Variants in LOC400499 observed in about 807,000 individuals in gnomAD.
At chr16:11,373,488 C>T in the LOC400499 span, among the ~76,000 whole-genome samples, 1 of 151,902 alleles carries the variant, frequency 6.6e-6, no homozygotes, top group African/African-American at 2.4e-5. Flanking sequence ...CGCCTGCCAC[C>T]ACGCCCGGCT....
chr16:11,500,305 C>A, the LOC400499 span, among the ~76,000 whole-genome samples: 1 of 151,954 alleles, frequency 6.6e-6, no homozygotes, highest in South Asian at 2.1e-4. Context: ...GTCAGGAGTT[C>A]GAGACCAGCC....
chr16:11,469,580 T>G, the LOC400499 span: 24 of 399,062 alleles, frequency 6.0e-5, no homozygotes, highest in South Asian at 5.1e-4. Flanking sequence ...CTGTAGCTCA[T>G]GTCCACCCCG....
chr16:11,487,397 G>A, the LOC400499 span: 5 of 398,896 alleles, frequency 1.3e-5, no homozygotes, highest in East Asian at 1.1e-4. Flanking sequence ...CTAGGAGTAA[G>A]ACAAGAACAT....
At chr16:11,390,175 C>G in the LOC400499 span, 1 of 1,232,380 alleles carries the variant, frequency 8.1e-7, no homozygotes, top group African/African-American at 1.5e-5. Flanking sequence ...AACGTGGCCT[C>G]AGCCCAAGAC....
the LOC400499 span, among the ~76,000 whole-genome samples, chr16:11,421,098 T>C: frequency 1.3e-5 from 2 of 152,130 alleles, no homozygotes; most frequent in Admixed American, 1.3e-4. Flanking sequence ...CTGACCTTGA[T>C]GGTGCCAAGG....
At chr16:11,479,463 T>TAA in the LOC400499 span, among the ~76,000 whole-genome samples, 12 of 141,328 alleles carry the variant, frequency 8.5e-5, no homozygotes, top group Non-Finnish European at 1.6e-4. Context: ...ATTAAAAAAT[T>TAA]AAAAAAAAAA....
At chr16:11,393,488 G>A in the LOC400499 span, 7 of 1,232,322 alleles carry the variant, frequency 5.7e-6, no homozygotes, top group Non-Finnish European at 7.1e-6. Flanking sequence ...CCTCCAACCG[G>A]ACCAGGCTTT....
the LOC400499 span, among the ~76,000 whole-genome samples, chr16:11,380,101 C>T: frequency 7.9e-5 from 12 of 152,142 alleles, no homozygotes; most frequent in African/African-American, 2.9e-4. Context: ...CATGCCACCA[C>T]CATGCCTACT....
the LOC400499 span, among the ~76,000 whole-genome samples, chr16:11,503,342 G>A: frequency 6.6e-6 from 1 of 152,208 alleles, no homozygotes; most frequent in Non-Finnish European, 1.5e-5. Context: ...TCAGAGAACA[G>A]CCCCTGGGTT....
the LOC400499 span, among the ~76,000 whole-genome samples, chr16:11,490,914 C>A: frequency 6.6e-6 from 1 of 152,262 alleles, no homozygotes; most frequent in South Asian, 2.1e-4. Context: ...TTGTCCCTTG[C>A]CTATGCTTTA....
chr16:11,400,672 C>T, the LOC400499 span, among the ~76,000 whole-genome samples: 6,598 of 152,204 alleles, frequency 0.043, 517 homozygotes, highest in African/African-American at 0.15. Context: ...AATTCTTGGC[C>T]TCAAGTGATC....
the LOC400499 span, among the ~76,000 whole-genome samples, chr16:11,449,659 C>T: frequency 6.6e-6 from 1 of 152,212 alleles, no homozygotes; most frequent in South Asian, 2.1e-4. Context: ...AGGGTTTGGG[C>T]GTGGCTGAGC....
chr16:11,397,495 G>A, the LOC400499 span, among the ~76,000 whole-genome samples: 2 of 152,058 alleles, frequency 1.3e-5, no homozygotes, highest in Non-Finnish European at 2.9e-5. Flanking sequence ...GGATGGTCTC[G>A]ATCTCCTGAC....
the LOC400499 span, among the ~76,000 whole-genome samples, chr16:11,403,369 G>A: frequency 6.6e-6 from 1 of 152,220 alleles, no homozygotes; most frequent in Non-Finnish European, 1.5e-5. Context: ...TCAACACCGT[G>A]TGGGGCTGCA....
chr16:11,501,064 G>A, the LOC400499 span: 3 of 396,546 alleles, frequency 7.6e-6, no homozygotes, highest in South Asian at 1.4e-4. Flanking sequence ...GAGAGGTACG[G>A]TGCAGACATG....
chr16:11,460,721 C>A, the LOC400499 span: 2 of 1,402,020 alleles, frequency 1.4e-6, no homozygotes, highest in African/African-American at 1.4e-5. Flanking sequence ...ACCCCCCATG[C>A]TTTGCTCCAC....
chr16:11,482,925 A>T, the LOC400499 span, among the ~76,000 whole-genome samples: 2 of 152,046 alleles, frequency 1.3e-5, no homozygotes, highest in African/African-American at 4.8e-5. Flanking sequence ...AAAAATCAAC[A>T]ACTTGTTTCT....
chr16:11,381,326 C>T, the LOC400499 span, among the ~76,000 whole-genome samples: 4 of 152,120 alleles, frequency 2.6e-5, no homozygotes, highest in East Asian at 7.7e-4. Context: ...GCAGCCTTGA[C>T]CTCCTGGGTT....
chr16:11,466,669 G>A, the LOC400499 span, among the ~76,000 whole-genome samples: 10 of 152,108 alleles, frequency 6.6e-5, no homozygotes, highest in African/African-American at 2.4e-4. Context: ...GATTATAGGC[G>A]TGAGCCACCG....
Sources: gnomAD v4.1 joint callset for allele counts (sites outside exome capture counted in the v4.1 genomes callset) on GRCh38, gnomAD v4.1.1 for gene constraint, MANE v1.5 for transcripts.